The following PTPRD variants were observed in gnomAD, a reference collection of about 807,000 sequenced individuals.
PTPRD encodes the protein protein tyrosine phosphatase receptor type D.
In PTPRD, 34 loss-of-function variants were observed where a neutral mutation model predicts 214.5. That is an observed-to-expected ratio of 0.16 (90% CI 0.12 to 0.21). The LOEUF (loss-of-function observed/expected upper bound fraction) is 0.21, where lower values mean the gene tolerates loss of function less well. Among genes scored for constraint, PTPRD ranks in the 10% least tolerant of loss-of-function variants. PTPRD has a pLI of 1.00. For synonymous variants in PTPRD, 1,128 were observed against 845.7 expected (o/e 1.33, Z -5.79); for missense variants, 2,545 against 2,398.7 (o/e 1.06, Z -1.27).
At chr9:9,603,421 G>A (rs1015849802) in intron 7 of PTPRD, among the ~76,000 whole-genome samples, 4 of 152,214 alleles carry the variant, frequency 2.6e-5, no homozygotes, top group Middle Eastern at 6.8e-3. Context: ...AGCAAATAAA[G>A]GTTATATAAG....
chr9:9,876,153 A>G (rs2066802011), intron 5 of PTPRD, among the ~76,000 whole-genome samples: 1 of 152,138 alleles, frequency 6.6e-6, no homozygotes, highest in Admixed American at 6.6e-5. Context: ...GATTATGGGT[A>G]CCTGAGTTCC....
intron 11 of PTPRD, among the ~76,000 whole-genome samples, chr9:8,855,738 C>G (rs1007035249): frequency 2.6e-5 from 4 of 152,016 alleles, no homozygotes; most frequent in African/African-American, 9.7e-5. Context: ...CATTGGAGTC[C>G]ATCTATTTTT....
In PTPRD at chr9:10,255,330, C is replaced by T. The variant is rs181917100; in HGVS notation, c.-545+85633G>A. ...GCTATACAGTATAGCCTACCTATTGCTCCGAGGCTACAAACCTGTATAGCA... is the reference window on the plus strand; with the variant it reads ...GCTATACAGTATAGCCTACCTATTGTTCCGAGGCTACAAACCTGTATAGCA... On this transcript the variant is annotated intron_variant, in intron 3 of 45. Transcript: ENST00000381196. 6.9e-3 allele frequency among the ~76,000 whole-genome samples: 1,053 copies of T among 152,320 alleles called. 6 individuals are homozygous for T. The highest frequency in any genetic ancestry group is 0.016 in the South Asian group (78 of 4,822).
At chr9:10,419,997 G>C (rs1365514835) in intron 2 of PTPRD, among the ~76,000 whole-genome samples, 1 of 151,386 alleles carries the variant, frequency 6.6e-6, no homozygotes, top group Non-Finnish European at 1.5e-5. Flanking sequence ...TTATTGATTG[G>C]AAAAAAATAT....
At chr9:9,060,209 A>G (rs369844353) in intron 10 of PTPRD, among the ~76,000 whole-genome samples, 3 of 152,184 alleles carry the variant, frequency 2.0e-5, no homozygotes, top group Admixed American at 6.5e-5. Context: ...CATAGGAAAA[A>G]TGACCAGTGT....
intron 4 of PTPRD, among the ~76,000 whole-genome samples, chr9:9,959,862 G>C (rs959652888): frequency 6.6e-6 from 1 of 152,122 alleles, no homozygotes; most frequent in Non-Finnish European, 1.5e-5. Flanking sequence ...TAGAGTTGTA[G>C]ACATTGGTAT....
intron 9 of PTPRD, among the ~76,000 whole-genome samples, chr9:9,285,828 A>T (rs1382824905): frequency 6.6e-6 from 1 of 151,050 alleles, no homozygotes; most frequent in Non-Finnish European, 1.5e-5. Flanking sequence ...GGCCTCAACT[A>T]CTCTTTGTAT....
At chr9:8,469,756 A>C (rs919556779) in intron 31 of PTPRD, among the ~76,000 whole-genome samples, 2 of 152,090 alleles carry the variant, frequency 1.3e-5, no homozygotes, top group Non-Finnish European at 2.9e-5. Context: ...ATGATCATCT[A>C]ATCACTAGTG....
At chr9:8,468,810 A>AC (rs1025839770) in intron 31 of PTPRD, among the ~76,000 whole-genome samples, 3 of 151,474 alleles carry the variant, frequency 2.0e-5, no homozygotes, top group Non-Finnish European at 3.0e-5. Flanking sequence ...AAAAAAAAAA[A>AC]AAAAAAACTC....
At chr9:9,939,698 T>C (rs1352537287) in intron 4 of PTPRD, among the ~76,000 whole-genome samples, 1 of 152,152 alleles carries the variant, frequency 6.6e-6, no homozygotes, top group Non-Finnish European at 1.5e-5. Context: ...TTTTGGTAAA[T>C]GCAGTGAAAT....
intron 8 of PTPRD, among the ~76,000 whole-genome samples, chr9:9,543,290 T>G (rs1439440671): frequency 1.3e-5 from 2 of 151,606 alleles, no homozygotes; most frequent in Non-Finnish European, 3.0e-5. Context: ...ATGTTGCCAC[T>G]GGTGGATGTT....
At chr9:9,544,639 T>A (rs950266536) in intron 8 of PTPRD, among the ~76,000 whole-genome samples, 6 of 151,744 alleles carry the variant, frequency 4.0e-5, no homozygotes, top group Non-Finnish European at 8.9e-5. Context: ...AATATCTACA[T>A]GCACTTTTTG....
At chr9:9,456,331 A>G (rs2092992870) in intron 8 of PTPRD, among the ~76,000 whole-genome samples, 1 of 151,812 alleles carries the variant, frequency 6.6e-6, no homozygotes. Flanking sequence ...CCAGGTATTG[A>G]TTAGGAATAA....
intron 2 of PTPRD, among the ~76,000 whole-genome samples, chr9:10,488,083 G>A (rs2099144786): frequency 6.6e-6 from 1 of 150,858 alleles, no homozygotes; most frequent in East Asian, 2.0e-4. Context: ...ACTGTGCCAG[G>A]TCGGCTGGGC....
intron 42 of PTPRD, among the ~76,000 whole-genome samples, 173 bp downstream of exon 42, chr9:8,340,170 C>T (rs559109927): frequency 4.6e-5 from 7 of 152,232 alleles, no homozygotes; most frequent in African/African-American, 1.7e-4. Flanking sequence ...AATTTAAACA[C>T]TTGATGTGGC....
chr9:8,694,652 T>A (rs1248571781), intron 12 of PTPRD, among the ~76,000 whole-genome samples: 1 of 152,192 alleles, frequency 6.6e-6, no homozygotes, highest in African/African-American at 2.4e-5. Context: ...GCTTAGACAT[T>A]TTTACCCACA....
Position 10,333,273 on chromosome 9 carries a change from G to A in PTPRD, c.-545+7690C>T, listed in dbSNP as rs549188504. On this transcript the variant is annotated intron_variant, in intron 3 of 45. Transcript: ENST00000381196. ...AGATCTCCCTGAAAGGGGGGTTGAA[G>A]TCACCCAGGAACAACCACAGGAGCC... 2.0e-5 allele frequency among the ~76,000 whole-genome samples: 3 copies of A among 151,900 alleles called. No homozygotes were observed. In the South Asian group the frequency reaches 6.2e-4, roughly 32 times the overall value.
intron 2 of PTPRD, among the ~76,000 whole-genome samples, chr9:10,364,603 A>G (rs1020290578): frequency 3.4e-5 from 5 of 148,938 alleles, no homozygotes; most frequent in East Asian, 1.9e-4. Context: ...CTATCCAACT[A>G]TATCTTTAAC....
rs74775961 is a variant in PTPRD, at chr9:8,315,260, G to A, written c.*2614C>T. The A allele has an allele frequency of 0.011, 2,519 of 232,628 alleles. 65 individuals carry two copies. The highest frequency in any genetic ancestry group is 0.049 in the African/African-American group (2,222 of 45,310). The allele number at this position is 232,628 out of a possible 1,614,324, so 14.4% of individuals were successfully genotyped here. On this transcript the variant is annotated 3_prime_UTR_variant, in exon 46 of 46. Coordinates refer to ENST00000381196, the MANE Select transcript of PTPRD (RefSeq NM_002839.4). Reference sequence around the variant, plus strand: ...AGATTCCCGCAATAGTCTCCGCCTCGTTCGTCTATGGTATGCATCCCATTC... The same window carrying A: ...AGATTCCCGCAATAGTCTCCGCCTCATTCGTCTATGGTATGCATCCCATTC...
Sources: allele counts gnomAD v4.1 joint callset (sites outside exome capture counted in the v4.1 genomes callset), GRCh38; gene constraint gnomAD v4.1.1; transcripts MANE v1.5; gene names NCBI Gene and HGNC (gene_info 2026-07-23, HGNC 2026-07-21).